The following MMP7 variants were observed in gnomAD, a reference collection of about 807,000 sequenced individuals.
The protein encoded by MMP7 is matrix metallopeptidase 7.
A neutral mutation model predicts 31.5 loss-of-function variants in MMP7; 26 were observed. The ratio of observed to expected loss-of-function variants is 0.83; its 90% CI spans 0.61 to 1.15. The LOEUF (loss-of-function observed/expected upper bound fraction) is 1.15. Ranked by LOEUF, MMP7 falls within the 50% of genes most tolerant of loss-of-function variation. MMP7 has a pLI of 0.00. For missense variants in MMP7, 367 were observed against 326.5 expected, an observed-to-expected ratio of 1.12 and a Z score of -0.96; for synonymous variants, 142 against 124.2, an observed-to-expected ratio of 1.14 and a Z score of -0.95.
intron 3 of MMP7, among the ~76,000 whole-genome samples, chr11:102,526,036 G>A (rs894642198): frequency 6.6e-5 from 10 of 151,410 alleles, no homozygotes; most frequent in East Asian, 5.8e-4. Flanking sequence ...TACAGTAGCC[G>A]GACCATTCCA....
intron 1 of MMP7, among the ~76,000 whole-genome samples, chr11:102,528,698 TC>T (rs1252020066): frequency 2.0e-5 from 3 of 152,152 alleles, no homozygotes; most frequent in Non-Finnish European, 2.9e-5. Context: ...ACAGTAGGAC[TC>T]CCAGGTTTAT....
At chr11:102,523,632 AT>A (rs978200543) in intron 4 of MMP7, among the ~76,000 whole-genome samples, 38 of 151,916 alleles carry the variant, frequency 2.5e-4, no homozygotes, top group African/African-American at 7.7e-4. Context: ...AAAATGTGTA[AT>A]TTTTTTTATT....
At chr11:102,522,530 C>CCT (rs1858624162) in intron 5 of MMP7, among the ~76,000 whole-genome samples, 2 of 152,236 alleles carry the variant, frequency 1.3e-5, no homozygotes, top group Admixed American at 6.5e-5. Flanking sequence ...GGCTCAAGCA[C>CCT]TCGACAGTCA....
At chr11:102,528,688 A>G (rs1858700683) in intron 1 of MMP7, among the ~76,000 whole-genome samples, 1 of 152,138 alleles carries the variant, frequency 6.6e-6, no homozygotes, top group African/African-American at 2.4e-5. Flanking sequence ...ATTGCAGTAT[A>G]CAGTAGGACT....
chr11:102,527,359 C>T, intron 3 of MMP7, 165 bp downstream of exon 3: 1 of 891,282 alleles, frequency 1.1e-6, no homozygotes, highest in South Asian at 1.8e-5. Flanking sequence ...CTCTATATTA[C>T]CAGATTATAA....
chr11:102,526,306 C>G (rs571293033), intron 3 of MMP7, among the ~76,000 whole-genome samples: 3 of 150,236 alleles, frequency 2.0e-5, no homozygotes, highest in Admixed American at 1.3e-4. Flanking sequence ...GTGGTGTGAC[C>G]TTGGCTCATT....
chr11:102,522,537 G>T (rs1377273246), intron 5 of MMP7, among the ~76,000 whole-genome samples: 2 of 152,206 alleles, frequency 1.3e-5, no homozygotes, highest in African/African-American at 4.8e-5. Flanking sequence ...GCACTCGACA[G>T]TCACATGACC....
chr11:102,522,380 G>A (rs1858622899), intron 5 of MMP7, among the ~76,000 whole-genome samples: 1 of 152,184 alleles, frequency 6.6e-6, no homozygotes, highest in Non-Finnish European at 1.5e-5. Flanking sequence ...TTACTGGCTA[G>A]GTTTAGTTAT....
chr11:102,525,651 G>A (rs1565375593), intron 3 of MMP7, among the ~76,000 whole-genome samples: 2 of 151,868 alleles, frequency 1.3e-5, no homozygotes, highest in Admixed American at 6.6e-5. Context: ...CTAACTTAAG[G>A]TTGCATTTAA....
At position 102,520,700 on chromosome 11, in the gene MMP7, G is replaced by A. The variant is rs1858602867; in HGVS notation, c.*76C>T. ...AATTGCTAAATGGAGTGGAGGAACA[G>A]TGCTTATCAATTCTGATTGTGCAAC... On this transcript the variant is annotated 3_prime_UTR_variant, in exon 6 of 6. Transcript: ENST00000260227. 4.0e-6 allele frequency: 5 copies of A among 1,241,522 alleles called. No homozygotes were observed. The highest frequency in any genetic ancestry group is 1.3e-5 in the South Asian group (1 of 75,784). The allele number at this position is 1,241,522 out of a possible 1,614,324, so 76.9% of individuals were successfully genotyped here.
At chr11:102,528,877 A>G (rs1207491670) in intron 1 of MMP7, among the ~76,000 whole-genome samples, 1 of 152,210 alleles carries the variant, frequency 6.6e-6, no homozygotes, top group Non-Finnish European at 1.5e-5. Flanking sequence ...AGGCACTTAC[A>G]TATTTATTTT....
At position 102,520,816 on chromosome 11, in the gene MMP7, A is replaced by G. The variant is rs199512328; in HGVS notation, c.776-12T>C. 39 of 1,533,532 alleles carry G rather than the reference A, an allele frequency of 2.5e-5. No homozygotes were observed. The highest frequency in any genetic ancestry group is 3.1e-5 in the Non-Finnish European group (35 of 1,124,636). 95.0% of individuals were successfully genotyped at this position (1,533,532 alleles called of 1,614,324 possible). On this transcript the variant is annotated splice_polypyrimidine_tract_variant and intron_variant, in intron 5 of 5. Coordinates refer to ENST00000260227, the MANE Select transcript of MMP7 (RefSeq NM_002423.5). Reference sequence around the variant, plus strand: ...ATTACTTCTCTTTCCTATTGAGAGAAAAAAAAAGAACATTCTGATATGTAG... The same window carrying G: ...ATTACTTCTCTTTCCTATTGAGAGAGAAAAAAAGAACATTCTGATATGTAG...
chr11:102,523,506 C>A (rs961217470), intron 4 of MMP7, 105 bp from the exon 5 acceptor site: 1 of 949,458 alleles, frequency 1.1e-6, no homozygotes, highest in Non-Finnish European at 1.4e-6. Context: ...GAAAAATACC[C>A]AAGTTTTAGC....
intron 3 of MMP7, among the ~76,000 whole-genome samples, chr11:102,525,954 C>T (rs973325602): frequency 8.6e-5 from 13 of 151,576 alleles, no homozygotes; most frequent in African/African-American, 2.7e-4. Flanking sequence ...ACTTGTAGTG[C>T]CATGATTAGT....
chr11:102,525,152 T>C, intron 3 of MMP7, 88 bp from the exon 4 acceptor site: 1 of 1,482,880 alleles, frequency 6.7e-7, no homozygotes, highest in Non-Finnish European at 9.0e-7. Flanking sequence ...TTATTGAGGC[T>C]AGAAAAAGCA....
chr11:102,524,759 T>A, intron 4 of MMP7, 177 bp downstream of exon 4: 1 of 548,126 alleles, frequency 1.8e-6, no homozygotes, highest in Admixed American at 4.5e-5. Flanking sequence ...AGTGTCCATC[T>A]TCTGTGTGTA....
rs957774596 is a variant in MMP7, at chr11:102,527,864, G to A, written c.228C>T (p.Ser76=). The A allele has an allele frequency of 1.2e-5, 19 of 1,613,964 alleles. No homozygotes were observed. In the Middle Eastern group the frequency reaches 1.3e-3, roughly 112 times the overall value. ...GCTTCTGCATTATTTCTATGACGCGGGAGTTTAACATTCCAGTTATAGGTA... is the reference window on the plus strand; with the variant it reads ...GCTTCTGCATTATTTCTATGACGCGAGAGTTTAACATTCCAGTTATAGGTA... ...FGLPITGMLN[S]RVIEIMQKPR... The change falls in exon 2 of 6, where the codon TCC becomes TCT. Residue 76 remains serine (S), a synonymous_variant. Transcript: ENST00000260227.
At position 102,527,530 on chromosome 11, in the gene MMP7, G is replaced by A. The variant is rs141201700; in HGVS notation, c.478C>T (p.Arg160Ter). The A allele has an allele frequency of 3.8e-5, 61 of 1,613,890 alleles. No individual in the cohort carries two copies. In the South Asian group the frequency reaches 4.5e-4, roughly 12 times the overall value. Residue 160 changes from arginine to a stop codon, truncating the protein, a stop_gained, in exon 3 of 6, where the codon CGA (arginine) becomes TGA (stop). Transcript: ENST00000260227. LOFTEE classifies it high-confidence loss of function. ...GTADIMIGFA[R>*]GAHGDSYPFD... ...CTACAGGAATCTTTCTTACCTCCTC[G>A]CGCAAAGCCAATCATGATGTCAGCA...
intron 3 of MMP7, among the ~76,000 whole-genome samples, chr11:102,525,373 C>T (rs1439921453): frequency 6.6e-6 from 1 of 151,270 alleles, no homozygotes; most frequent in African/African-American, 2.4e-5. Flanking sequence ...ACTCAGGAGG[C>T]GGAAGTTGCA....
Sources: gnomAD v4.1 joint callset for allele counts (sites outside exome capture counted in the v4.1 genomes callset) on GRCh38, gnomAD v4.1.1 for gene constraint, MANE v1.5 for transcripts, NCBI Gene and HGNC (gene_info 2026-07-23, HGNC 2026-07-21) for gene names.